ANKRD17: variants seen among roughly 807,000 people sequenced by gnomAD.
ANKRD17 encodes the protein ankyrin repeat domain-containing protein 17.
Under a neutral mutation model 229.7 loss-of-function variants are expected in ANKRD17, and 19 were observed. The ratio of observed to expected loss-of-function variants is 0.08; its 90% CI spans 0.06 to 0.12. The LOEUF is 0.12. Among genes scored for constraint, ANKRD17 ranks in the 10% least tolerant of loss-of-function variants. ANKRD17 has a pLI of 1.00. For missense variants in ANKRD17, 2,176 were observed against 3,176.8 expected, an observed-to-expected ratio of 0.68 and a Z score of 7.57; for synonymous variants, 1,112 against 1,146.1, an observed-to-expected ratio of 0.97 and a Z score of 0.60.
intron 1 of ANKRD17, among the ~76,000 whole-genome samples, chr4:73,235,605 C>T (rs1743431504): frequency 1.3e-5 from 2 of 152,084 alleles, no homozygotes; most frequent in African/African-American, 2.4e-5. Context: ...GTACTAAATC[C>T]ACCATTTTTT....
chr4:73,108,204 T>G (rs1221465977), intron 24 of ANKRD17, among the ~76,000 whole-genome samples: 3 of 152,140 alleles, frequency 2.0e-5, no homozygotes, highest in African/African-American at 7.2e-5. Flanking sequence ...TTTCAAGGTT[T>G]CTGGCCTGAG....
chr4:73,142,569 T>C (rs1729747204), intron 12 of ANKRD17, 71 bp downstream of exon 12: 27 of 1,606,886 alleles, frequency 1.7e-5, no homozygotes, highest in Admixed American at 6.8e-5. Flanking sequence ...AACTTGTACA[T>C]GATATGTTGT....
chr4:73,170,389 T>C (rs1386422260), intron 2 of ANKRD17, among the ~76,000 whole-genome samples: 1 of 151,926 alleles, frequency 6.6e-6, no homozygotes, highest in Non-Finnish European at 1.5e-5. Flanking sequence ...ACCTACTGAC[T>C]AAAGAGCCCT....
intron 1 of ANKRD17, among the ~76,000 whole-genome samples, chr4:73,210,461 A>G (rs966659796): frequency 6.6e-6 from 1 of 152,164 alleles, no homozygotes; most frequent in Non-Finnish European, 1.5e-5. Flanking sequence ...GTGTGTGTAT[A>G]TGTGTCATGC....
intron 30 of ANKRD17, 136 bp downstream of exon 30, chr4:73,085,113 A>C (rs561286009): frequency 6.5e-6 from 6 of 916,830 alleles, no homozygotes; most frequent in South Asian, 1.8e-5. Context: ...AATACCTAGA[A>C]ATTTTTTTGA....
chr4:73,151,520 G>A lies in ANKRD17; in HGVS notation c.1239C>T (p.His413=). 6.3e-7 allele frequency: 1 copy of A among 1,595,994 alleles called. No homozygotes were observed. The highest frequency in any genetic ancestry group is 8.5e-7 in the Non-Finnish European group (1 of 1,171,180). Residue 413 remains histidine, a synonymous_variant, in exon 7 of 34, where the codon CAC becomes CAT. Coordinates refer to ENST00000358602, the MANE Select transcript of ANKRD17 (RefSeq NM_032217.5). ...SALTLACYKG[H]LEMVRFLLEA... Reference sequence around the variant, plus strand: ...CCAAAAGAAATCGCACCATCTCTAAGTGTCCTAAACCAAAAGTGTACAAGA... The same window carrying A: ...CCAAAAGAAATCGCACCATCTCTAAATGTCCTAAACCAAAAGTGTACAAGA...
intron 1 of ANKRD17, among the ~76,000 whole-genome samples, chr4:73,239,919 C>T (rs1743858978): frequency 6.6e-6 from 1 of 152,120 alleles, no homozygotes; most frequent in South Asian, 2.1e-4. Context: ...ATATTACCCC[C>T]TCAATAGAAT....
At chr4:73,167,473 C>T (rs1463029990) in intron 2 of ANKRD17, among the ~76,000 whole-genome samples, 3 of 152,162 alleles carry the variant, frequency 2.0e-5, no homozygotes, top group South Asian at 2.1e-4. Flanking sequence ...AATCTACTTC[C>T]GTGTAACATC....
intron 1 of ANKRD17, among the ~76,000 whole-genome samples, chr4:73,226,683 G>A (rs768605080): frequency 9.9e-5 from 15 of 151,954 alleles, no homozygotes; most frequent in Admixed American, 2.0e-4. Flanking sequence ...GTGAGCCACC[G>A]CACCTGGCCC....
chr4:73,139,269 T>A (rs778884351), intron 15 of ANKRD17, among the ~76,000 whole-genome samples: 1 of 152,076 alleles, frequency 6.6e-6, no homozygotes, highest in Non-Finnish European at 1.5e-5. Flanking sequence ...AAATCAAACA[T>A]CAACCCCACT....
intron 1 of ANKRD17, among the ~76,000 whole-genome samples, chr4:73,179,423 C>A (rs993900729): frequency 9.9e-6 from 1 of 100,952 alleles, no homozygotes; most frequent in African/African-American, 3.9e-5. Flanking sequence ...TATGTGTGTG[C>A]ATATATGTGT....
intron 28 of ANKRD17, 23 bp from the exon 29 acceptor site, chr4:73,092,323 T>C (rs1722868187): frequency 6.4e-7 from 1 of 1,567,390 alleles, no homozygotes; most frequent in Non-Finnish European, 8.6e-7. Flanking sequence ...AAAAAAAAAT[T>C]AGGTAGAATT....
At chr4:73,123,151 C>T (rs111413547) in intron 18 of ANKRD17, among the ~76,000 whole-genome samples, 140 of 151,984 alleles carry the variant, frequency 9.2e-4, no homozygotes, top group African/African-American at 3.2e-3. Flanking sequence ...GGCTTTAATA[C>T]TACTTTTAAA....
chr4:73,092,139 G>A lies in ANKRD17; in HGVS notation c.5489C>T (p.Thr1830Ile). The change falls in exon 29 of 34, where the codon ACT becomes ATT. Residue 1830 changes from threonine to isoleucine, a missense_variant. Thr to Ile is a moderately conservative substitution (Grantham distance 89, BLOSUM62 -1). This residue lies in a region of ANKRD17 where 142 missense variants were observed against 200.4 expected (regional missense o/e 0.71). Coordinates refer to ENST00000358602, the MANE Select transcript of ANKRD17 (RefSeq NM_032217.5). ...TGTCATTTTAATTCCCATTAAGGAA[G>A]TGTTAGCAGCAGTGGTGGTAGGTGC... ...SSAPTTTAAN[T>I]SLMGIKMTTV... is the part of the protein sequence containing the mutation. 6.2e-7 allele frequency: 1 copy of A among 1,614,210 alleles called. No individual in the cohort carries two copies. The highest frequency in any genetic ancestry group is 8.5e-7 in the Non-Finnish European group (1 of 1,180,040).
intron 2 of ANKRD17, among the ~76,000 whole-genome samples, chr4:73,171,423 T>C (rs541934971): frequency 1.3e-3 from 193 of 152,264 alleles, no homozygotes; most frequent in African/African-American, 4.5e-3. Flanking sequence ...TTCGACTACT[T>C]AGAAAGCCTT....
intron 12 of ANKRD17, 115 bp from the exon 13 acceptor site, chr4:73,142,500 T>C: frequency 6.4e-7 from 1 of 1,572,630 alleles, no homozygotes; most frequent in South Asian, 1.2e-5. Context: ...ATAGGTTTGG[T>C]AAAGAACGCT....
Position 73,118,766 on chromosome 4 carries a change from C to T in ANKRD17, c.4110G>A (p.Gln1370=). Residue 1370 remains glutamine, a synonymous_variant, in exon 22 of 34, where the codon CAG becomes CAA. Coordinates refer to ENST00000358602, the MANE Select transcript of ANKRD17 (RefSeq NM_032217.5). ...AANGGHLDVV[Q]LLVQAGADVD... ...CATCTGCACCTGCTTGCACCAGTAA[C>T]TGAACCACATCGAGGTGTCCACCAT... is the stretch of plus-strand genomic sequence containing the variant. 1 of 1,614,054 alleles carries T rather than the reference C, an allele frequency of 6.2e-7. No individual in the cohort carries two copies.
chr4:73,151,539 T>C lies in ANKRD17; in HGVS notation c.1235-15A>G. The C allele has an allele frequency of 1.4e-6, 2 of 1,481,148 alleles. No homozygotes were observed. The highest frequency in any genetic ancestry group is 1.8e-6 in the Non-Finnish European group (2 of 1,107,076). The allele number at this position is 1,481,148 out of a possible 1,614,324, so 91.8% of individuals were successfully genotyped here. A position where few individuals can be genotyped will look rare whatever the true frequency, so the allele number is the denominator to read the frequency against. ...CTCTAAGTGTCCTAAACCAAAAGTG[T>C]ACAAGATTACTTGAAAATATTTTAT... On this transcript the variant is annotated splice_polypyrimidine_tract_variant and intron_variant, in intron 6 of 33. Coordinates refer to ENST00000358602, the MANE Select transcript of ANKRD17 (RefSeq NM_032217.5).
intron 1 of ANKRD17, among the ~76,000 whole-genome samples, chr4:73,238,144 A>G (rs138639251): frequency 6.6e-6 from 1 of 151,802 alleles, no homozygotes; most frequent in East Asian, 1.9e-4. Context: ...AAGACTCTCT[A>G]TTTTTATTCA....
Sources: allele counts gnomAD v4.1 joint callset (sites outside exome capture counted in the v4.1 genomes callset), GRCh38; gene constraint gnomAD v4.1.1; regional missense constraint gnomAD v4.1.1; transcripts MANE v1.5; gene names NCBI Gene and HGNC (gene_info 2026-07-23, HGNC 2026-07-21).